Variants in ARHGAP20 observed in about 807,000 individuals in gnomAD.
The protein encoded by ARHGAP20 is rho GTPase-activating protein 20.
ARHGAP20 carries 34 observed loss-of-function variants against 73.7 expected under a neutral mutation model. That is an observed-to-expected ratio of 0.46 (90% CI 0.35 to 0.61). The LOEUF (loss-of-function observed/expected upper bound fraction) is 0.61, where lower values mean the gene tolerates loss of function less well. Ranked by LOEUF, ARHGAP20 falls within the 20% of genes least tolerant of loss-of-function variation. The pLI is 0.00. For missense variants in ARHGAP20, 1,314 were observed against 1,420.9 expected (o/e 0.92, Z 1.21); for synonymous variants, 523 against 518.2 (o/e 1.01, Z -0.13).
chr11:110,579,405 C>G lies in ARHGAP20; in HGVS notation c.3541G>C (p.Asp1181His). 1 of 1,605,886 alleles carries G rather than the reference C, an allele frequency of 6.2e-7. No individual in the cohort carries two copies. Among genetic ancestry groups the G allele is most frequent in the East Asian group, 2.2e-5 (1 of 44,584 alleles). Residue 1181 changes from aspartate to histidine, a missense_variant, in exon 15 of 15, where the codon GAC becomes CAC. Physicochemically the swap from Asp to His is moderately conservative, Grantham distance 81. Around this residue, in one of 3 missense-constraint regions of ARHGAP20, gnomAD observed 641 missense variants for 636.9 expected, o/e 1.01. Transcript: ENST00000683387. Reference sequence around the variant, plus strand: ...TTGGTTAAATACCTGTCCTCAATGTCGCAGACCACTGTAGGCCCTGAGTCT... The same window carrying G: ...TTGGTTAAATACCTGTCCTCAATGTGGCAGACCACTGTAGGCCCTGAGTCT... ...SPDSGPTVVCDIEDRYLTKDI is the reference protein window; with the variant it reads ...SPDSGPTVVCHIEDRYLTKDI
intron 2 of ARHGAP20, among the ~76,000 whole-genome samples, chr11:110,632,197 C>A (rs888996550): frequency 6.6e-6 from 1 of 152,008 alleles, no homozygotes; most frequent in African/African-American, 2.4e-5. Flanking sequence ...GGGTAAATAC[C>A]TCAGAGTGGA....
At chr11:110,641,901 T>G (rs569921194) in intron 2 of ARHGAP20, among the ~76,000 whole-genome samples, 1 of 152,162 alleles carries the variant, frequency 6.6e-6, no homozygotes, top group African/African-American at 2.4e-5. Context: ...CATTTTGAAT[T>G]CAAGTTACTC....
chr11:110,642,979 G>C (rs187072537), intron 2 of ARHGAP20, among the ~76,000 whole-genome samples: 3 of 151,930 alleles, frequency 2.0e-5, no homozygotes, highest in Non-Finnish European at 4.4e-5. Flanking sequence ...TCTGCTCAGC[G>C]TTTCAGTTTC....
intron 2 of ARHGAP20, among the ~76,000 whole-genome samples, chr11:110,657,203 C>A (rs1264532737): frequency 6.6e-5 from 10 of 151,882 alleles, no homozygotes. Flanking sequence ...AATCCTTGGT[C>A]CTTTAAAATA....
At chr11:110,600,408 C>G (rs909586156) in intron 9 of ARHGAP20, among the ~76,000 whole-genome samples, 3 of 152,216 alleles carry the variant, frequency 2.0e-5, no homozygotes, top group Admixed American at 1.3e-4. Flanking sequence ...TCACAGACAG[C>G]CAGCACCCAT....
At position 110,579,785 on chromosome 11, in the gene ARHGAP20, G is replaced by A; in HGVS notation, c.3161C>T (p.Ala1054Val). The A allele has an allele frequency of 6.2e-7, 1 of 1,614,028 alleles. No homozygotes were observed. Among genetic ancestry groups the A allele is most frequent in the Non-Finnish European group, 8.5e-7 (1 of 1,180,010 alleles). Residue 1054 changes from alanine to valine, a missense_variant, in exon 15 of 15, where the codon GCA (alanine) becomes GTA (valine). Transcript: ENST00000683387. ...SLKNWSLKKK[A>V]KAARPEEEKI... ...CTCTTCCTCTGGTCTGGCTGCCTTT[G>A]CTTTCTTTTTGAGGGACCAGTTTTT...
chr11:110,620,502 T>C, intron 4 of ARHGAP20, among the ~76,000 whole-genome samples: 1 of 152,122 alleles, frequency 6.6e-6, no homozygotes, highest in East Asian at 1.9e-4. Flanking sequence ...GACTGCTTCT[T>C]TAACCTGCTA....
intron 2 of ARHGAP20, among the ~76,000 whole-genome samples, chr11:110,666,160 C>G (rs1328111587): frequency 3.3e-5 from 5 of 151,936 alleles, no homozygotes; most frequent in Non-Finnish European, 7.4e-5. Context: ...AAGAATTTGA[C>G]AAAAATGTGC....
intron 2 of ARHGAP20, among the ~76,000 whole-genome samples, chr11:110,659,465 T>C (rs1242658846): frequency 6.6e-6 from 1 of 151,868 alleles, no homozygotes; most frequent in Non-Finnish European, 1.5e-5. Flanking sequence ...TATTAGCCCT[T>C]TGTCAGATGA....
intron 2 of ARHGAP20, among the ~76,000 whole-genome samples, chr11:110,640,176 A>G (rs891941641): frequency 2.6e-5 from 4 of 152,010 alleles, no homozygotes; most frequent in Admixed American, 1.3e-4. Flanking sequence ...CTCATAACCT[A>G]TAGTTTATAA....
intron 2 of ARHGAP20, among the ~76,000 whole-genome samples, chr11:110,678,065 G>A (rs546371971): frequency 2.0e-4 from 31 of 152,218 alleles, no homozygotes; most frequent in African/African-American, 7.5e-4. Context: ...CTACAACATG[G>A]ATGAACCTTG....
chr11:110,627,735 A>T (rs1487019720), intron 3 of ARHGAP20, among the ~76,000 whole-genome samples: 1 of 152,248 alleles, frequency 6.6e-6, no homozygotes, highest in Non-Finnish European at 1.5e-5. Context: ...AGGTAAATAC[A>T]GTCATTTCTC....
intron 2 of ARHGAP20, among the ~76,000 whole-genome samples, chr11:110,672,993 T>C (rs1483475510): frequency 6.6e-6 from 1 of 152,148 alleles, no homozygotes; most frequent in Non-Finnish European, 1.5e-5. Flanking sequence ...AATAAACTAA[T>C]TGTTGCATAT....
intron 2 of ARHGAP20, among the ~76,000 whole-genome samples, chr11:110,642,983 C>T (rs1330837488): frequency 3.2e-4 from 48 of 151,962 alleles, no homozygotes; most frequent in Non-Finnish European, 4.4e-5. Flanking sequence ...CTCAGCGTTT[C>T]AGTTTCTTCC....
intron 5 of ARHGAP20, among the ~76,000 whole-genome samples, chr11:110,615,332 A>G (rs975803918): frequency 2.6e-5 from 4 of 152,212 alleles, no homozygotes; most frequent in African/African-American, 7.2e-5. Flanking sequence ...CTAGACCTCA[A>G]TGTTCTCCTT....
At chr11:110,678,927 A>G (rs1347246073) in intron 2 of ARHGAP20, among the ~76,000 whole-genome samples, 1 of 152,154 alleles carries the variant, frequency 6.6e-6, no homozygotes, top group Non-Finnish European at 1.5e-5. Context: ...TGGCCTCCCA[A>G]AGTGGCTAGA....
At chr11:110,628,110 GTTGA>G (rs1411196562) in intron 3 of ARHGAP20, among the ~76,000 whole-genome samples, 4 of 152,172 alleles carry the variant, frequency 2.6e-5, no homozygotes, top group African/African-American at 9.7e-5. Flanking sequence ...ATATGTAGCA[GTTGA>G]TTGATTATTT....
chr11:110,592,272 G>T, intron 9 of ARHGAP20, 117 bp from the exon 10 acceptor site: 1 of 902,540 alleles, frequency 1.1e-6, no homozygotes, highest in East Asian at 2.6e-5. Context: ...GATGCTAATA[G>T]ATGGCTTTTG....
At chr11:110,643,045 A>G (rs1336901810) in intron 2 of ARHGAP20, among the ~76,000 whole-genome samples, 1 of 152,062 alleles carries the variant, frequency 6.6e-6, no homozygotes, top group Admixed American at 6.6e-5. Context: ...CATCTCTTCT[A>G]GATTTTTTAA....
Sources: gnomAD v4.1 joint callset for allele counts (sites outside exome capture counted in the v4.1 genomes callset) on GRCh38, gnomAD v4.1.1 for gene constraint, gnomAD v4.1.1 regional missense constraint, MANE v1.5 for transcripts, NCBI Gene and HGNC (gene_info 2026-07-23, HGNC 2026-07-21) for gene names.